Variants in RGS7 observed in about 807,000 individuals in gnomAD.
RGS7 encodes the protein regulator of G protein signaling 7.
Under a neutral mutation model 81.1 loss-of-function variants are expected in RGS7, and 27 were observed. The ratio of observed to expected loss-of-function variants is 0.33; its 90% CI spans 0.25 to 0.46. The LOEUF (loss-of-function observed/expected upper bound fraction) is 0.46. Ranked by LOEUF, RGS7 falls within the 20% of genes least tolerant of loss-of-function variation. RGS7 has a pLI of 1.00. For synonymous variants in RGS7, 208 were observed against 207.7 expected (o/e 1.00, Z -0.01); for missense variants, 396 against 607.4 (o/e 0.65, Z 3.66).
chr1:241,340,578 C>T (rs896219261), intron 2 of RGS7, among the ~76,000 whole-genome samples: 1 of 152,150 alleles, frequency 6.6e-6, no homozygotes, highest in African/African-American at 2.4e-5. Context: ...TTTATTTTCA[C>T]TGTACTATTA....
intron 3 of RGS7, among the ~76,000 whole-genome samples, chr1:241,015,954 T>C (rs2059197040): frequency 6.6e-6 from 1 of 152,202 alleles, no homozygotes; most frequent in Admixed American, 6.5e-5. Flanking sequence ...ATAACTCCCA[T>C]TAAACAAATT....
chr1:241,064,277 G>A (rs1382559284), intron 3 of RGS7, among the ~76,000 whole-genome samples: 1 of 151,546 alleles, frequency 6.6e-6, no homozygotes, highest in Non-Finnish European at 1.5e-5. Flanking sequence ...TGAAATCCCT[G>A]GAAGTACCTA....
chr1:240,967,277 G>A (rs1682462220), intron 4 of RGS7, among the ~76,000 whole-genome samples: 2 of 152,128 alleles, frequency 1.3e-5, no homozygotes, highest in Non-Finnish European at 2.9e-5. Flanking sequence ...CCAGACTCTG[G>A]GCCTAAATAT....
chr1:240,920,133 A>T, intron 6 of RGS7: 1 of 926,860 alleles, frequency 1.1e-6, no homozygotes, highest in African/African-American at 1.6e-5. Context: ...CGTGGATAAG[A>T]CGGTCATTCA....
At chr1:241,000,625 C>T (rs1042539384) in intron 3 of RGS7, among the ~76,000 whole-genome samples, 20 of 150,212 alleles carry the variant, frequency 1.3e-4, no homozygotes, top group Non-Finnish European at 2.4e-4. Flanking sequence ...CTAATTAATT[C>T]CTCATTTATT....
chr1:241,096,343 A>G (rs2064258701), intron 3 of RGS7, among the ~76,000 whole-genome samples: 1 of 152,180 alleles, frequency 6.6e-6, no homozygotes, highest in African/African-American at 2.4e-5. Flanking sequence ...AACTTCTAGT[A>G]AAGTGAATGG....
intron 2 of RGS7, among the ~76,000 whole-genome samples, chr1:241,191,107 A>G (rs1433230123): frequency 6.6e-6 from 1 of 151,532 alleles, no homozygotes; most frequent in East Asian, 1.9e-4. Context: ...TCAGCCTCCC[A>G]AGTAGCTGGG....
chr1:241,160,468 G>T (rs2069557987), intron 2 of RGS7, among the ~76,000 whole-genome samples: 2 of 151,208 alleles, frequency 1.3e-5, no homozygotes, highest in African/African-American at 4.9e-5. Flanking sequence ...CTCATCCCCT[G>T]AACGGTGTGT....
chr1:240,823,726 C>G (rs368662289), intron 10 of RGS7, among the ~76,000 whole-genome samples: 1 of 152,052 alleles, frequency 6.6e-6, no homozygotes, highest in African/African-American at 2.4e-5. Flanking sequence ...AGCCTGGTGG[C>G]CTCCCCCATG....
At chr1:241,075,981 A>G (rs1196504842) in intron 3 of RGS7, among the ~76,000 whole-genome samples, 1 of 152,180 alleles carries the variant, frequency 6.6e-6, no homozygotes, top group Non-Finnish European at 1.5e-5. Flanking sequence ...TTGGAGTGAT[A>G]CATCCATCAC....
Position 241,230,781 on chromosome 1 carries a change from G to C in RGS7, c.78+124918C>G, listed in dbSNP as rs187031154. ...TACAGCTGCAGTCTTAGGTGTGCTT[G>C]TAGATCGGGAGGAGGCAGGAAGCTT... is the stretch of plus-strand genomic sequence containing the variant. On this transcript the variant is annotated intron_variant, in intron 2 of 18. Transcript: ENST00000440928. 1.5e-3 allele frequency among the ~76,000 whole-genome samples: 230 copies of C among 152,330 alleles called. 1 individual carries two copies. The highest frequency in any genetic ancestry group is 0.01 in the Middle Eastern group (3 of 294).
chr1:240,903,531 A>G (rs1293056179), intron 6 of RGS7, among the ~76,000 whole-genome samples: 1 of 151,982 alleles, frequency 6.6e-6, no homozygotes, highest in Non-Finnish European at 1.5e-5. Flanking sequence ...ATAAATAATT[A>G]TAGATAATTA....
intron 3 of RGS7, among the ~76,000 whole-genome samples, chr1:241,032,279 G>C (rs1475846811): frequency 1.3e-5 from 2 of 152,118 alleles, no homozygotes; most frequent in Non-Finnish European, 2.9e-5. Flanking sequence ...AAGATCAGTT[G>C]ACTGCATGTA....
At chr1:241,179,725 C>A (rs923606119) in intron 2 of RGS7, among the ~76,000 whole-genome samples, 1 of 152,108 alleles carries the variant, frequency 6.6e-6, no homozygotes, top group African/African-American at 2.4e-5. Context: ...CAATTCTCCA[C>A]AAAATTCCAT....
intron 3 of RGS7, among the ~76,000 whole-genome samples, chr1:241,023,204 G>A (rs1183084114): frequency 1.3e-5 from 2 of 152,026 alleles, no homozygotes. Flanking sequence ...GACCAAAACA[G>A]CCTTAACATT....
intron 3 of RGS7, among the ~76,000 whole-genome samples, chr1:241,039,318 C>A (rs2060486702): frequency 6.6e-6 from 1 of 152,100 alleles, no homozygotes; most frequent in Non-Finnish European, 1.5e-5. Context: ...GAGAGGGTAA[C>A]TAACTGGTCC....
chr1:241,227,677 G>A (rs1432645514), intron 2 of RGS7, among the ~76,000 whole-genome samples: 2 of 151,768 alleles, frequency 1.3e-5, no homozygotes, highest in African/African-American at 4.8e-5. Flanking sequence ...GGCTGAGGCT[G>A]CAGAGAGTGA....
chr1:241,217,054 T>C (rs760024978), intron 2 of RGS7, among the ~76,000 whole-genome samples: 4 of 152,196 alleles, frequency 2.6e-5, no homozygotes, highest in African/African-American at 4.8e-5. Context: ...TATGTTGAAG[T>C]TCTAACCTCC....
intron 9 of RGS7, among the ~76,000 whole-genome samples, chr1:240,851,175 G>A (rs930482794): frequency 2.0e-5 from 3 of 152,226 alleles, no homozygotes; most frequent in Non-Finnish European, 4.4e-5. Context: ...AGGACAGGCT[G>A]ACTCTCTTGT....
Sources: allele counts gnomAD v4.1 joint callset (sites outside exome capture counted in the v4.1 genomes callset), GRCh38; gene constraint gnomAD v4.1.1; transcripts MANE v1.5; gene names NCBI Gene and HGNC (gene_info 2026-07-23, HGNC 2026-07-21).